The following SORCS3 variants were observed in gnomAD, a reference collection of about 807,000 sequenced individuals.
SORCS3 encodes the protein VPS10 domain-containing receptor SorCS3.
SORCS3 carries 57 observed loss-of-function variants against 146.3 expected under a neutral mutation model. The ratio of observed to expected loss-of-function variants is 0.39; its 90% CI spans 0.31 to 0.49. SORCS3 has a LOEUF of 0.49. SORCS3 is among the 20% of genes least tolerant of loss of function. SORCS3 has a pLI of 0.92. For synonymous variants in SORCS3, 653 were observed against 618.5 expected (o/e 1.06, Z -0.83); for missense variants, 1,341 against 1,575.5 (o/e 0.85, Z 2.52).
At position 105,157,180 on chromosome 10, in the gene SORCS3, G is replaced by T. The variant is rs758395289; in HGVS notation, c.1525G>T (p.Asp509Tyr). 6.8e-6 allele frequency: 11 copies of T among 1,614,006 alleles called. No homozygotes were observed. Among genetic ancestry groups the T allele is most frequent in the Non-Finnish European group, 9.3e-6 (11 of 1,179,944 alleles). Residue 509 changes from aspartate to tyrosine, a missense_variant, in exon 10 of 27, where the codon GAC (aspartate) becomes TAC (tyrosine). Physicochemically the swap from Asp to Tyr is radical, Grantham distance 160 (BLOSUM62 -3). Transcript: ENST00000369701. ...KGIFLANKKV[D>Y]DQVKTYITYN... ...GATATTTCTGGCAAACAAGAAGGTG[G>T]ACGACCAGGTGAAGACATACATCAC...
intron 1 of SORCS3, among the ~76,000 whole-genome samples, chr10:104,698,828 C>A (rs556732027): frequency 6.6e-6 from 1 of 152,122 alleles, no homozygotes; most frequent in Non-Finnish European, 1.5e-5. Context: ...CTATGAAAAC[C>A]TTTATTTCCC....
At chr10:105,149,665 A>G (rs1205054980) in intron 9 of SORCS3, among the ~76,000 whole-genome samples, 1 of 152,152 alleles carries the variant, frequency 6.6e-6, no homozygotes, top group African/African-American at 2.4e-5. Context: ...CCCTGTGATC[A>G]GACCCAAATA....
rs1170977005 is a variant in SORCS3 at position 104,763,276 on chromosome 10, AAG to A, written c.628-79514_628-79513del. Among the ~76,000 whole-genome samples, 5 of 152,302 alleles carry A rather than the reference AAG, an allele frequency of 3.3e-5. No individual in the cohort carries two copies. The East Asian group carries it at 9.6e-4, about 29-fold the overall frequency. The stretch of plus-strand genomic sequence containing the variant: ...ATCTTCTGAATACTTATGAAAACTA[AAG>A]ACAGTTATAGGCACACAGCTGTGCC... On this transcript the variant is annotated intron_variant, in intron 1 of 26. Transcript: ENST00000369701.
At chr10:104,806,495 G>A (rs367749509) in intron 1 of SORCS3, among the ~76,000 whole-genome samples, 26 of 152,254 alleles carry the variant, frequency 1.7e-4, no homozygotes, top group African/African-American at 6.3e-4. Flanking sequence ...TGTACCCAAA[G>A]CCACAACATT....
At position 105,121,626 on chromosome 10, in the gene SORCS3, T is replaced by G. The variant is rs537913731; in HGVS notation, c.1212+16111T>G. On this transcript the variant is annotated intron_variant, in intron 7 of 26. Transcript: ENST00000369701. ...GTAGATGTTAGTGGCTGCAAAGACT[T>G]GCTCCATTCCCTATTCAGTGGACTC... 2.6e-5 allele frequency among the ~76,000 whole-genome samples: 4 copies of G among 152,338 alleles called. No homozygotes were observed. The South Asian group carries it at 8.3e-4, about 32-fold the overall frequency.
chr10:105,233,449 A>G lies in SORCS3; in HGVS notation c.2868+10200A>G, dbSNP rs181689028. ...TACTTTAAGTTCTGGGGTACATGTG[A>G]AGAACATCCAGGTTTGTTACATAGG... On this transcript the variant is annotated intron_variant, in intron 20 of 26. Transcript: ENST00000369701. Among the ~76,000 whole-genome samples, 6 of 152,072 alleles carry G rather than the reference A, an allele frequency of 3.9e-5. No individual in the cohort carries two copies. The East Asian group carries it at 7.7e-4, about 20-fold the overall frequency.
chr10:105,179,324 A>T (rs12240703), intron 14 of SORCS3, among the ~76,000 whole-genome samples: 2 of 151,952 alleles, frequency 1.3e-5, no homozygotes, highest in African/African-American at 2.4e-5. Context: ...TTTTTTTCTC[A>T]GCTTCAGATG....
In SORCS3 at chr10:104,937,069, A is replaced by G. The variant is rs12257385; in HGVS notation, c.795+21137A>G. Reference sequence around the variant, plus strand: ...GGGTGATTTCAGATGAAACTGTTCTATCTCAGATCATCAGGCATTAGTTAG... The same window carrying G: ...GGGTGATTTCAGATGAAACTGTTCTGTCTCAGATCATCAGGCATTAGTTAG... On this transcript the variant is annotated intron_variant, in intron 3 of 26. Coordinates refer to ENST00000369701, the MANE Select transcript of SORCS3 (RefSeq NM_014978.3). Among the ~76,000 whole-genome samples, 373 of 152,316 alleles carry G rather than the reference A, an allele frequency of 2.4e-3. 1 individual carries two copies. Among genetic ancestry groups the G allele is most frequent in the African/African-American group, 7.9e-3 (328 of 41,580 alleles).
chr10:104,656,341 A>G (rs1390478297), intron 1 of SORCS3, among the ~76,000 whole-genome samples: 2 of 152,132 alleles, frequency 1.3e-5, no homozygotes, highest in East Asian at 3.8e-4. Flanking sequence ...GGACTAAGCA[A>G]GGGTTTAGTT....
intron 22 of SORCS3, among the ~76,000 whole-genome samples, chr10:105,248,713 C>CAAAA (rs35611802): frequency 1.2e-4 from 13 of 110,318 alleles, no homozygotes; most frequent in Non-Finnish European, 2.3e-4. Context: ...GACTCCATCT[C>CAAAA]AAAAAAAAAA....
At chr10:104,650,957 A>G (rs930719505) in intron 1 of SORCS3, among the ~76,000 whole-genome samples, 2 of 152,218 alleles carry the variant, frequency 1.3e-5, no homozygotes, top group Non-Finnish European at 2.9e-5. Context: ...TTTCTTTTAA[A>G]AATCTGTTCT....
At chr10:105,212,632 G>A (rs940488275) in intron 17 of SORCS3, among the ~76,000 whole-genome samples, 5 of 151,844 alleles carry the variant, frequency 3.3e-5, no homozygotes, top group African/African-American at 1.2e-4. Context: ...AAAAGGAATG[G>A]CAATTAAAAA....
chr10:104,978,133 C>T (rs540083087), intron 4 of SORCS3, among the ~76,000 whole-genome samples: 28 of 152,214 alleles, frequency 1.8e-4, no homozygotes, highest in South Asian at 1.7e-3. Context: ...ACATAGTAAA[C>T]GAAAGTACAG....
rs1020543302 is a variant in SORCS3, at chr10:105,091,628, C to T, written c.1093+1789C>T. Among the ~76,000 whole-genome samples, 7 of 151,842 alleles carry T rather than the reference C, an allele frequency of 4.6e-5. No individual in the cohort carries two copies. In the East Asian group the frequency reaches 7.7e-4, roughly 17 times the overall value. Reference sequence around the variant, plus strand: ...AAATAGATGTAAATCGGTGAGACAGCCAGGGATGACCTACACTCTTTTTAA... The same window carrying T: ...AAATAGATGTAAATCGGTGAGACAGTCAGGGATGACCTACACTCTTTTTAA... On this transcript the variant is annotated intron_variant, in intron 6 of 26. Transcript: ENST00000369701.
intron 1 of SORCS3, among the ~76,000 whole-genome samples, chr10:104,816,844 G>A (rs1384581345): frequency 6.6e-6 from 1 of 152,230 alleles, no homozygotes; most frequent in Non-Finnish European, 1.5e-5. Context: ...GCTGCTTAGA[G>A]TGGTCTCTCC....
At chr10:104,911,114 G>A (rs1305464602) in intron 2 of SORCS3, among the ~76,000 whole-genome samples, 1 of 152,252 alleles carries the variant, frequency 6.6e-6, no homozygotes, top group African/African-American at 2.4e-5. Flanking sequence ...AGTTCTGCCA[G>A]CATAAATGTC....
intron 4 of SORCS3, among the ~76,000 whole-genome samples, chr10:105,019,885 G>T (rs1287056950): frequency 1.3e-5 from 2 of 152,170 alleles, no homozygotes; most frequent in Non-Finnish European, 2.9e-5. Context: ...TTAAAGATTA[G>T]CTTGTTGCAG....
At chr10:105,249,358 G>A (rs940711373) in intron 22 of SORCS3, among the ~76,000 whole-genome samples, 3 of 152,198 alleles carry the variant, frequency 2.0e-5, no homozygotes, top group Non-Finnish European at 4.4e-5. Context: ...AAGAGAAGAG[G>A]CTGTGGAGGT....
chr10:104,971,950 G>A (rs1208290541), intron 3 of SORCS3, among the ~76,000 whole-genome samples: 8 of 152,144 alleles, frequency 5.3e-5, no homozygotes, highest in East Asian at 3.9e-4. Context: ...GTGTCTAAGC[G>A]TTTATTGGTT....
Sources: gnomAD v4.1 joint callset for allele counts (sites outside exome capture counted in the v4.1 genomes callset) on GRCh38, gnomAD v4.1.1 for gene constraint, MANE v1.5 for transcripts, NCBI Gene and HGNC (gene_info 2026-07-23, HGNC 2026-07-21) for gene names.